The following ATP12A variants were observed in gnomAD, a reference collection of about 807,000 sequenced individuals.
ATP12A encodes the protein ATPase H+/K+ transporting non-gastric alpha2 subunit.
Under a neutral mutation model 111.2 loss-of-function variants are expected in ATP12A, and 81 were observed. The ratio of observed to expected loss-of-function variants is 0.73; its 90% CI spans 0.61 to 0.88. The LOEUF is 0.88. Among genes scored for constraint, ATP12A ranks in the 40% least tolerant of loss-of-function variants. The pLI is 0.00. For missense variants in ATP12A, 1,196 were observed against 1,313.1 expected, an observed-to-expected ratio of 0.91 and a Z score of 1.38; for synonymous variants, 498 against 499.8, an observed-to-expected ratio of 1.00 and a Z score of 0.05.
At chr13:24,682,038 ATGTGTGTGGTGTG>A (rs1400641825) in intron 2 of ATP12A, among the ~76,000 whole-genome samples, 10 of 8,948 alleles carry the variant, frequency 1.1e-3, no homozygotes, top group South Asian at 6.8e-3. Context: ...TGGTGTGTGT[ATGTGTGTGGTGTG>A]TGTGTATGGT....
rs746988719 is a variant in ATP12A at position 24,688,396 on chromosome 13, T to C, written c.306T>C (p.Pro102=). The C allele has an allele frequency of 3.4e-5, 55 of 1,614,040 alleles. No individual in the cohort carries two copies. Among genetic ancestry groups the C allele is most frequent in the Non-Finnish European group, 4.4e-5 (52 of 1,180,022 alleles). Residue 102 remains proline (P), a synonymous_variant, in exon 4 of 23, where the codon CCT becomes CCC. Coordinates refer to ENST00000381946, the MANE Select transcript of ATP12A (RefSeq NM_001676.7). ...CCCTCACCCCTCCCAAGCAGACGCCTGAGATCGTCAAGTTCCTCAAGCAGA... is the reference window on the plus strand; with the variant it reads ...CCCTCACCCCTCCCAAGCAGACGCCCGAGATCGTCAAGTTCCTCAAGCAGA... The part of the protein sequence containing the change: ...PNSLTPPKQT[P]EIVKFLKQMV...
chr13:24,684,369 C>T (rs1005927020), intron 2 of ATP12A, among the ~76,000 whole-genome samples: 2 of 152,198 alleles, frequency 1.3e-5, no homozygotes, highest in African/African-American at 4.8e-5. Flanking sequence ...CAACATGGAA[C>T]TATTTTTTGC....
intron 8 of ATP12A, 125 bp from the exon 9 acceptor site, chr13:24,692,304 T>G: frequency 2.0e-6 from 2 of 1,022,866 alleles, no homozygotes; most frequent in Non-Finnish European, 2.8e-6. Context: ...CAACCACACC[T>G]CTCCCCTAAA....
chr13:24,691,716 T>C (rs1046442677), intron 8 of ATP12A, among the ~76,000 whole-genome samples: 4 of 152,144 alleles, frequency 2.6e-5, no homozygotes, highest in African/African-American at 9.7e-5. Context: ...GCTGTTTGTA[T>C]GGGCCCATGT....
At chr13:24,697,269 T>C (rs1167252094) in intron 11 of ATP12A, among the ~76,000 whole-genome samples, 2 of 152,194 alleles carry the variant, frequency 1.3e-5, no homozygotes, top group Non-Finnish European at 2.9e-5. Context: ...TGGACAGCAC[T>C]TAGAACAGTG....
intron 3 of ATP12A, among the ~76,000 whole-genome samples, chr13:24,687,706 A>T (rs888304323): frequency 6.6e-6 from 1 of 152,148 alleles, no homozygotes; most frequent in Non-Finnish European, 1.5e-5. Flanking sequence ...CTTAGGCTGG[A>T]TGTGTAGAAA....
chr13:24,681,986 TGTGTATG>T (rs1184321022), intron 2 of ATP12A, among the ~76,000 whole-genome samples: 32 of 123,760 alleles, frequency 2.6e-4, no homozygotes, highest in African/African-American at 5.3e-4. Context: ...GTGTGGTGTG[TGTGTATG>T]GTGTGTGGTG....
chr13:24,692,537 AC>A lies in ATP12A; in HGVS notation c.1178del (p.Thr393MetfsTer4), dbSNP rs555243224. 7.7e-4 allele frequency: 1,246 copies of A among 1,614,200 alleles called. 11 individuals are homozygous for A. The African/African-American group carries it at 0.014, about 18-fold the overall frequency. On this transcript the variant is annotated frameshift_variant, in exon 9 of 23. Coordinates refer to ENST00000381946, the MANE Select transcript of ATP12A (RefSeq NM_001676.7). LOFTEE classifies it high-confidence loss of function. The part of the protein sequence containing the change: ...GSTSIICSDK[T>X]GTLTQNRMTV... ...CACCTCCATCATCTGCTCGGACAAG[AC>A]TGGGACACTGACCCAGAACAGGATG...
intron 11 of ATP12A, among the ~76,000 whole-genome samples, chr13:24,696,718 C>CA (rs1199522203): frequency 0.4 from 13,039 of 32,830 alleles, 3,858 homozygotes; most frequent in Non-Finnish European, 0.58. Flanking sequence ...GACTCCGTCT[C>CA]AAAAAAAAAA....
chr13:24,711,792 G>A lies in ATP12A; in HGVS notation c.*270G>A. 1.9e-6 allele frequency: 1 copy of A among 528,974 alleles called. No individual in the cohort carries two copies. The highest frequency in any genetic ancestry group is 3.3e-5 in the Admixed American group (1 of 30,698). 32.8% of individuals were successfully genotyped at this position (528,974 alleles called of 1,614,324 possible). ...GAGGTAATGGTATAGGGAAGAATGT[G>A]TTTATGTGTATTTGAAACTCCTTGA... On this transcript the variant is annotated 3_prime_UTR_variant, in exon 23 of 23. Coordinates refer to ENST00000381946, the MANE Select transcript of ATP12A (RefSeq NM_001676.7).
chr13:24,699,059 A>T (rs1329469948), intron 12 of ATP12A, among the ~76,000 whole-genome samples: 2 of 152,218 alleles, frequency 1.3e-5, no homozygotes, highest in African/African-American at 4.8e-5. Context: ...AGCTCAGGGA[A>T]GACTTTATGG....
intron 2 of ATP12A, among the ~76,000 whole-genome samples, chr13:24,682,108 ATGTGTGTGTGG>A (rs1566067988): frequency 0.016 from 366 of 23,228 alleles, 3 homozygotes; most frequent in East Asian, 0.031. Context: ...TGTGTGTGTG[ATGTGTGTGTGG>A]TGTGTGTGTG....
At chr13:24,686,938 G>A (rs1257501079) in intron 3 of ATP12A, among the ~76,000 whole-genome samples, 1 of 152,050 alleles carries the variant, frequency 6.6e-6, no homozygotes, top group African/African-American at 2.4e-5. Context: ...GGGAAGGCAG[G>A]AGGGTGGAGG....
At chr13:24,695,446 A>T (rs1452668228) in intron 11 of ATP12A, among the ~76,000 whole-genome samples, 1 of 152,112 alleles carries the variant, frequency 6.6e-6, no homozygotes, top group Admixed American at 6.5e-5. Flanking sequence ...CCCCATGCAG[A>T]TGGGATTTTC....
chr13:24,695,464 C>T (rs1434043029), intron 11 of ATP12A, among the ~76,000 whole-genome samples: 4 of 152,124 alleles, frequency 2.6e-5, no homozygotes, highest in Non-Finnish European at 5.9e-5. Context: ...TTCCACAGAG[C>T]CCACACTGGA....
chr13:24,709,279 G>GCCCCCCCCCCCCCCCCC, intron 17 of ATP12A, 85 bp from the exon 18 acceptor site: 3 of 211,220 alleles, frequency 1.4e-5, no homozygotes, highest in South Asian at 7.9e-5. Context: ...TCCAGCCAGT[G>GCCCCCCCCCCCCCCCCC]CCCCACCCAC....
chr13:24,687,602 G>A (rs976751908), intron 3 of ATP12A, among the ~76,000 whole-genome samples: 1 of 152,274 alleles, frequency 6.6e-6, no homozygotes, highest in African/African-American at 2.4e-5. Context: ...TCAAAGGTGA[G>A]GGTGCCTCAC....
intron 3 of ATP12A, among the ~76,000 whole-genome samples, chr13:24,686,440 C>CAAA (rs60902451): frequency 0.035 from 3,327 of 93,722 alleles, 126 homozygotes; most frequent in East Asian, 0.17. Flanking sequence ...AACTCCATCT[C>CAAA]AAAAAAAAAA....
At chr13:24,705,525 A>G (rs910254476) in intron 14 of ATP12A, among the ~76,000 whole-genome samples, 1 of 152,248 alleles carries the variant, frequency 6.6e-6, no homozygotes, top group Non-Finnish European at 1.5e-5. Context: ...CAAAGACTTC[A>G]GTAAACTTCT....
Sources: gnomAD v4.1 joint callset for allele counts (sites outside exome capture counted in the v4.1 genomes callset) on GRCh38, gnomAD v4.1.1 for gene constraint, MANE v1.5 for transcripts, NCBI Gene and HGNC (gene_info 2026-07-23, HGNC 2026-07-21) for gene names.